Variants in GRIN3A observed in about 807,000 individuals in gnomAD.
The protein encoded by GRIN3A is glutamate ionotropic receptor NMDA type subunit 3A, also known as glutamate receptor ionotropic, NMDA 3A.
GRIN3A carries 47 observed loss-of-function variants against 92.4 expected under a neutral mutation model. The observed-to-expected ratio is 0.51, with a 90% CI of 0.40 to 0.65. The LOEUF is 0.65. Among genes scored for constraint, GRIN3A ranks in the 30% least tolerant of loss-of-function variants. The pLI, the probability that GRIN3A is intolerant of heterozygous loss-of-function variation, is 0.00. For missense variants in GRIN3A, 1,324 were observed against 1,393.1 expected (o/e 0.95, Z 0.79); for synonymous variants, 527 against 540.6 (o/e 0.97, Z 0.35).
At chr9:101,596,743 C>T (rs967386325) in intron 6 of GRIN3A, among the ~76,000 whole-genome samples, 1 of 152,174 alleles carries the variant, frequency 6.6e-6, no homozygotes, top group African/African-American at 2.4e-5. Context: ...AAGAATCTAC[C>T]TCTAAGAAGC....
chr9:101,658,472 C>G (rs1829120656), intron 3 of GRIN3A, among the ~76,000 whole-genome samples: 1 of 151,770 alleles, frequency 6.6e-6, no homozygotes, highest in Non-Finnish European at 1.5e-5. Context: ...TTCTTATTTG[C>G]CAATTGATTT....
chr9:101,737,657 G>C lies in GRIN3A; in HGVS notation c.323C>G (p.Pro108Arg). 6.2e-7 allele frequency: 1 copy of C among 1,600,034 alleles called. No individual in the cohort carries two copies. Among genetic ancestry groups the C allele is most frequent in the Non-Finnish European group, 8.5e-7 (1 of 1,175,498 alleles). ...GCCCTCCCCGGGCTTACGGGAGCCC[G>C]GCGGCCCCCGGCCATGCAGGGTGCT... ...LGSTLHGRGPPGSRKPGEGAR... is the reference protein window; with the variant it reads ...LGSTLHGRGPRGSRKPGEGAR... The change falls in exon 1 of 9, where the codon CCG (proline) becomes CGG (arginine). Residue 108 changes from proline to arginine, a missense_variant. Transcript: ENST00000361820.
chr9:101,592,754 C>CTTTTTT (rs11331695), intron 6 of GRIN3A: 1 of 143,178 alleles, frequency 7.0e-6, no homozygotes, highest in Non-Finnish European at 1.5e-5. Context: ...AATTTGTGGA[C>CTTTTTT]TTTTTTTTTT....
At chr9:101,611,091 C>T (rs1159351403) in intron 6 of GRIN3A, among the ~76,000 whole-genome samples, 1 of 141,492 alleles carries the variant, frequency 7.1e-6, no homozygotes. Flanking sequence ...GTGTGAGAGT[C>T]TGTCTCAAAA....
rs528134372 is a variant in GRIN3A at position 101,718,614 on chromosome 9, A to G, written c.699+18667T>C. On this transcript the variant is annotated intron_variant, in intron 1 of 8. Transcript: ENST00000361820. ...TTTGGCAGAGTGTAGGTGATTCATG[A>G]GATGATTTTAGGTTGTTCAGAAACT... Among the ~76,000 whole-genome samples, 8 of 152,334 alleles carry G rather than the reference A, an allele frequency of 5.3e-5. 1 individual carries two copies. The highest frequency in any genetic ancestry group is 1.0e-4 in the Non-Finnish European group (7 of 68,020).
chr9:101,720,221 G>A (rs1283417232), intron 1 of GRIN3A, among the ~76,000 whole-genome samples: 1 of 152,166 alleles, frequency 6.6e-6, no homozygotes. Flanking sequence ...ATTGAAGCTA[G>A]GAGTATGTTT....
intron 3 of GRIN3A, among the ~76,000 whole-genome samples, chr9:101,658,826 T>C (rs1475945316): frequency 6.6e-6 from 1 of 151,528 alleles, no homozygotes; most frequent in Non-Finnish European, 1.5e-5. Flanking sequence ...TATTCAGTTG[T>C]GATTGAGAAA....
chr9:101,708,965 C>G (rs537125445), intron 1 of GRIN3A, among the ~76,000 whole-genome samples: 1 of 152,174 alleles, frequency 6.6e-6, no homozygotes, highest in Non-Finnish European at 1.5e-5. Flanking sequence ...TTTTCAGAAA[C>G]CTTTGGAAAG....
rs1156541077 is a variant in GRIN3A, at chr9:101,738,162, C to G, written c.-183G>C. 6.0e-6 allele frequency: 4 copies of G among 661,838 alleles called. No individual in the cohort carries two copies. The African/African-American group carries it at 7.1e-5, about 12-fold the overall frequency. The allele number at this position is 661,838 out of a possible 1,614,324, so 41.0% of individuals were successfully genotyped here. Reference sequence around the variant, plus strand: ...TGGAGCGTAGCGCGCCTCCGGCAGTCTCAGATCCCGCTCCCAGGTCCCTCC... The same window carrying G: ...TGGAGCGTAGCGCGCCTCCGGCAGTGTCAGATCCCGCTCCCAGGTCCCTCC... On this transcript the variant is annotated 5_prime_UTR_variant, in exon 1 of 9. Coordinates refer to ENST00000361820, the MANE Select transcript of GRIN3A (RefSeq NM_133445.3).
chr9:101,628,241 G>C lies in GRIN3A; in HGVS notation c.2498+15C>G. 1 of 1,613,568 alleles carries C rather than the reference G, an allele frequency of 6.2e-7. No individual in the cohort carries two copies. The highest frequency in any genetic ancestry group is 8.5e-7 in the Non-Finnish European group (1 of 1,179,662). ...AGTGAGAATTTTTCTTTGGATCCAA[G>C]AGGTTGACACTCACTTCAGATACTC... On this transcript the variant is annotated intron_variant, in intron 4 of 8. Coordinates refer to ENST00000361820, the MANE Select transcript of GRIN3A (RefSeq NM_133445.3).
chr9:101,679,552 G>T (rs1471825791), intron 2 of GRIN3A, among the ~76,000 whole-genome samples: 1 of 152,116 alleles, frequency 6.6e-6, no homozygotes, highest in Non-Finnish European at 1.5e-5. Flanking sequence ...TAATTTCAAA[G>T]AATTCCAGCC....
rs894465869 is a variant in GRIN3A, at chr9:101,572,580, C to G, written c.*594G>C. 2 of 157,908 alleles carry G rather than the reference C, an allele frequency of 1.3e-5. No individual in the cohort carries two copies. The highest frequency in any genetic ancestry group is 2.8e-5 in the Non-Finnish European group (2 of 70,930). 9.8% of individuals were successfully genotyped at this position (157,908 alleles called of 1,614,324 possible). A position where few individuals can be genotyped will look rare whatever the true frequency, so the allele number is the denominator to read the frequency against. ...CAGGATGGAGTCAGAGATCCAGAAC[C>G]TTCTCAAAAACATGGCTCTTGCCTG... On this transcript the variant is annotated 3_prime_UTR_variant, in exon 9 of 9. Transcript: ENST00000361820.
At chr9:101,729,942 G>A (rs1830119612) in intron 1 of GRIN3A, among the ~76,000 whole-genome samples, 1 of 152,132 alleles carries the variant, frequency 6.6e-6, no homozygotes, top group African/African-American at 2.4e-5. Context: ...AAATGAAACT[G>A]TCATTTCTGT....
At chr9:101,665,058 AAAC>A (rs910464271) in intron 3 of GRIN3A, among the ~76,000 whole-genome samples, 3 of 151,916 alleles carry the variant, frequency 2.0e-5, no homozygotes, top group African/African-American at 7.3e-5. Flanking sequence ...TACCAAAAAA[AAAC>A]AGCTTAAATT....
chr9:101,675,352 A>C (rs951600789), intron 2 of GRIN3A, among the ~76,000 whole-genome samples: 4 of 152,050 alleles, frequency 2.6e-5, no homozygotes, highest in Admixed American at 6.6e-5. Context: ...GACAGTTCAC[A>C]GTATAAGCAA....
At position 101,579,188 on chromosome 9, in the gene GRIN3A, G is replaced by A. The variant is rs1827860549; in HGVS notation, c.2931+8C>T. 2 of 1,613,438 alleles carry A rather than the reference G, an allele frequency of 1.2e-6. No homozygotes were observed. The highest frequency in any genetic ancestry group is 2.2e-5 in the South Asian group (2 of 91,080). ...AGAATATTGGAGCAAGACACCTGTG[G>A]CACTCACCTGGCTGGTGTGGAGCCA... On this transcript the variant is annotated splice_region_variant and intron_variant, in intron 7 of 8. Transcript: ENST00000361820.
chr9:101,693,872 C>T (rs1829650494), intron 1 of GRIN3A, among the ~76,000 whole-genome samples: 2 of 152,060 alleles, frequency 1.3e-5, no homozygotes, highest in Non-Finnish European at 2.9e-5. Flanking sequence ...GAAAAGCTCA[C>T]CTAAAGTTTT....
intron 6 of GRIN3A, among the ~76,000 whole-genome samples, chr9:101,609,479 G>A (rs1277077191): frequency 6.6e-6 from 1 of 152,210 alleles, no homozygotes; most frequent in Non-Finnish European, 1.5e-5. Flanking sequence ...TAATTCAGCT[G>A]TTAATAGTAG....
chr9:101,613,304 T>A, intron 6 of GRIN3A, 72 bp downstream of exon 6: 1 of 1,469,466 alleles, frequency 6.8e-7, no homozygotes, highest in Non-Finnish European at 9.5e-7. Flanking sequence ...GAGGCACAAG[T>A]AATAGCATTT....
Sources: allele counts gnomAD v4.1 joint callset (sites outside exome capture counted in the v4.1 genomes callset), GRCh38; gene constraint gnomAD v4.1.1; transcripts MANE v1.5; gene names NCBI Gene and HGNC (gene_info 2026-07-23, HGNC 2026-07-21).